Variants in BCAP31 observed in about 807,000 individuals in gnomAD.
The protein encoded by BCAP31 is B-cell receptor-associated protein 31.
For synonymous variants in BCAP31, 75 were observed against 80.9 expected, an observed-to-expected ratio of 0.93 and a Z score of 0.39; for missense variants, 124 against 193.0, an observed-to-expected ratio of 0.64 and a Z score of 2.12.
intron 7 of BCAP31, 26 bp downstream of exon 7, chrX:153,701,981 G>A (rs782292525): frequency 2.5e-6 from 3 of 1,195,896 alleles, no homozygotes; most frequent in Non-Finnish European, 1.1e-6. Flanking sequence ...CTCCTGCCCT[G>A]GGCGCAGCAA....
intron 4 of BCAP31, chrX:153,704,994 C>A (rs1180821561): frequency 8.9e-6 from 1 of 111,872 alleles, no homozygotes; most frequent in Non-Finnish European, 1.9e-5. Flanking sequence ...ACCCTTGCCC[C>A]GAGATGTTAG....
intron 4 of BCAP31, among the ~76,000 whole-genome samples, chrX:153,708,048 G>A (rs2091565903): frequency 8.9e-6 from 1 of 112,779 alleles, no homozygotes; most frequent in African/African-American, 3.2e-5. Context: ...ATACAGGGTG[G>A]TCACCAATAG....
chrX:153,714,829 A>G (rs1429808337), intron 4 of BCAP31, among the ~76,000 whole-genome samples: 2 of 111,112 alleles, frequency 1.8e-5, no homozygotes, highest in African/African-American at 6.5e-5. Context: ...CCACCCTCAA[A>G]GCAAGCGCCT....
intron 4 of BCAP31, chrX:153,705,344 A>G (rs1408753076): frequency 1.8e-5 from 2 of 113,197 alleles, no homozygotes; most frequent in Non-Finnish European, 1.9e-5. Flanking sequence ...CTCAGGACAG[A>G]AAGTACCCAC....
intron 3 of BCAP31, among the ~76,000 whole-genome samples, chrX:153,719,405 G>A (rs1310142544): frequency 8.9e-6 from 1 of 112,365 alleles, no homozygotes; most frequent in Non-Finnish European, 1.9e-5. Flanking sequence ...ACCTCTTGGG[G>A]CCTTGCCAAG....
intron 4 of BCAP31, among the ~76,000 whole-genome samples, chrX:153,713,999 C>T (rs2091610052): frequency 9.5e-6 from 1 of 105,140 alleles, no homozygotes; most frequent in Admixed American, 1.0e-4. Context: ...CTCAGCCTCC[C>T]GAGTAGCTGG....
chrX:153,723,074 C>T (rs2091678724), intron 2 of BCAP31, 79 bp downstream of exon 2: 3 of 1,127,906 alleles, frequency 2.7e-6, no homozygotes, highest in Admixed American at 5.0e-5. Flanking sequence ...CCAGGGTCCA[C>T]CAGCTGCACA....
intron 1 of BCAP31, chrX:153,723,968 A>C: frequency 9.5e-6 from 4 of 420,535 alleles, no homozygotes; most frequent in Non-Finnish European, 1.8e-5. Context: ...AAGGCCCCAT[A>C]CGGAGAAAGT....
At chrX:153,723,327 G>A (rs2091681388) in intron 1 of BCAP31, 39 bp from the exon 2 acceptor site, 1 of 1,162,475 alleles carries the variant, frequency 8.6e-7, no homozygotes, top group Admixed American at 2.6e-5. Flanking sequence ...GTAAGCGCTG[G>A]GCAGCCAAGA....
At chrX:153,705,919 T>C (rs1173572853) in intron 4 of BCAP31, among the ~76,000 whole-genome samples, 2 of 112,030 alleles carry the variant, frequency 1.8e-5, no homozygotes, top group East Asian at 5.6e-4. Flanking sequence ...CCCAGGGAGA[T>C]AGCTAACACA....
chrX:153,716,653 G>A (rs1262675159), intron 3 of BCAP31, among the ~76,000 whole-genome samples: 2 of 110,255 alleles, frequency 1.8e-5, no homozygotes, highest in East Asian at 2.8e-4. Flanking sequence ...CCAGCTACTC[G>A]GGAGGCTGAG....
chrX:153,720,947 G>C lies in BCAP31; in HGVS notation c.118C>G (p.Leu40Val). 2 of 1,211,185 alleles carry C rather than the reference G, an allele frequency of 1.7e-6. No individual in the cohort carries two copies. The highest frequency in any genetic ancestry group is 2.2e-6 in the Non-Finnish European group (2 of 895,081). ...KRWQKIFKSR[L>V]VELLVSYGNT... is the part of the protein sequence containing the mutation. ...CCATAGGACACTAACAACTCCACCA[G>C]CCGGGACTTGAAAATCTTCTGCCAT... is the stretch of plus-strand genomic sequence containing the variant. Residue 40 changes from leucine to valine, a missense_variant, in exon 3 of 8, where the codon CTG (leucine) becomes GTG (valine). By Grantham distance (32) the Leu-to-Val change is conservative. Transcript: ENST00000345046.
rs57134106 is a variant in BCAP31 at position 153,704,225 on chromosome X, T to C, written c.342-131A>G. Reference sequence around the variant, plus strand: ...CTGCCCTCTTGCCAAGGCAGCCGAGTGAGAAGCCGCCAACCTGGTGCTGGC... The same window carrying C: ...CTGCCCTCTTGCCAAGGCAGCCGAGCGAGAAGCCGCCAACCTGGTGCTGGC... On this transcript the variant is annotated intron_variant, in intron 4 of 7. Transcript: ENST00000345046. 118,281 of 742,289 alleles carry C rather than the reference T, an allele frequency of 0.16. 11,480 individuals are homozygous for C. Among genetic ancestry groups the C allele is most frequent in the African/African-American group, 0.64 (29,855 of 46,373 alleles). 61.2% of individuals were successfully genotyped at this position (742,289 alleles called of 1,213,427 possible). A position where few individuals can be genotyped will look rare whatever the true frequency, so the allele number is the denominator to read the frequency against.
chrX:153,705,793 T>TG (rs1202682188), intron 4 of BCAP31, among the ~76,000 whole-genome samples: 5 of 110,702 alleles, frequency 4.5e-5, no homozygotes, highest in African/African-American at 1.6e-4. Context: ...AATTGAGGGG[T>TG]GGGGGTCATG....
chrX:153,705,330 T>G (rs1288427512), intron 4 of BCAP31: 2 of 112,866 alleles, frequency 1.8e-5, no homozygotes, highest in African/African-American at 6.4e-5. Flanking sequence ...CCTTTCCAGA[T>G]GTACTCAGGA....
intron 1 of BCAP31, 195 bp downstream of exon 1, chrX:153,724,138 GC>G: frequency 7.9e-6 from 2 of 252,798 alleles, no homozygotes; most frequent in South Asian, 7.1e-5. Context: ...ACCGCCCCCC[GC>G]CCCGCCCCCG....
At position 153,702,072 on chromosome X, in the gene BCAP31, G is replaced by T. The variant is rs372317882; in HGVS notation, c.637C>A (p.Arg213=). ...EKAENQVLAM[R]KQSEGLTKEY... Reference sequence around the variant, plus strand: ...TTGGTGAGGCCCTCAGACTGCTTCCGCATGGCCAGAACCTGGTTTTCAGCT... The same window carrying T: ...TTGGTGAGGCCCTCAGACTGCTTCCTCATGGCCAGAACCTGGTTTTCAGCT... The change falls in exon 7 of 8, where the codon CGG becomes AGG. Residue 213 remains arginine (R), a synonymous_variant. Transcript: ENST00000345046. 3.3e-6 allele frequency: 4 copies of T among 1,209,119 alleles called. No individual in the cohort carries two copies. The highest frequency in any genetic ancestry group is 2.3e-4 in the Middle Eastern group (1 of 4,336).
chrX:153,707,870 C>T (rs1347423836), intron 4 of BCAP31, among the ~76,000 whole-genome samples: 1 of 113,346 alleles, frequency 8.8e-6, no homozygotes, highest in Non-Finnish European at 1.9e-5. Flanking sequence ...TTAACGTGCG[C>T]TTGTCTGTTC....
chrX:153,723,350 G>A, intron 1 of BCAP31, 62 bp from the exon 2 acceptor site: 1 of 1,144,324 alleles, frequency 8.7e-7, no homozygotes, highest in East Asian at 3.3e-5. Flanking sequence ...ATCCAGTTCA[G>A]TTACCCTGCG....
Sources: gnomAD v4.1 joint callset for allele counts (sites outside exome capture counted in the v4.1 genomes callset) on GRCh38, gnomAD v4.1.1 for gene constraint, MANE v1.5 for transcripts, NCBI Gene and HGNC (gene_info 2026-07-23, HGNC 2026-07-21) for gene names.